Variants in KANK1 observed in about 807,000 individuals in gnomAD.
KANK1 encodes KN motif and ankyrin repeat domains 1, also known as KN motif and ankyrin repeat domain-containing protein 1.
A neutral mutation model predicts 106.2 loss-of-function variants in KANK1; 109 were observed. The observed-to-expected ratio is 1.03, with a 90% confidence interval of 0.88 to 1.20. The LOEUF is 1.20. Ranked by LOEUF, KANK1 falls within the 50% of genes most tolerant of loss-of-function variation. The pLI is 0.00. For missense variants in KANK1, 2,399 were observed against 1,710.7 expected, an observed-to-expected ratio of 1.40 and a Z score of -7.10; for synonymous variants, 873 against 652.2, an observed-to-expected ratio of 1.34 and a Z score of -5.16.
intron 3 of KANK1, chr9:492,332 G>A (rs2058391312): frequency 6.6e-6 from 1 of 152,248 alleles, no homozygotes; most frequent in Admixed American, 6.5e-5. Flanking sequence ...TCACAAAACT[G>A]ACTAGAGAGA....
intron 1 of KANK1, among the ~76,000 whole-genome samples, chr9:645,935 TA>T (rs1194776222): frequency 6.6e-6 from 1 of 150,960 alleles, no homozygotes; most frequent in Non-Finnish European, 1.5e-5. Flanking sequence ...GCCACAAAAT[TA>T]AAAGATTTAT....
chr9:534,655 C>T (rs2060214803), intron 1 of KANK1, among the ~76,000 whole-genome samples: 1 of 152,168 alleles, frequency 6.6e-6, no homozygotes, highest in Non-Finnish European at 1.5e-5. Context: ...GATTGTTCAT[C>T]CTGGGGAATG....
chr9:691,244 T>G (rs927108221), intron 2 of KANK1, among the ~76,000 whole-genome samples: 1 of 152,126 alleles, frequency 6.6e-6, no homozygotes, highest in Non-Finnish European at 1.5e-5. Flanking sequence ...TGATTGACTT[T>G]GACTGCTTTA....
At chr9:671,224 A>AG (rs1246618314) in intron 1 of KANK1, among the ~76,000 whole-genome samples, 1 of 88,812 alleles carries the variant, frequency 1.1e-5, no homozygotes, top group African/African-American at 3.5e-5. Flanking sequence ...TACCTGGTGG[A>AG]GTTTTTTTTT....
chr9:718,014 T>C (rs17433274), intron 3 of KANK1, among the ~76,000 whole-genome samples: 23,192 of 152,236 alleles, frequency 0.15, 2,117 homozygotes, highest in Non-Finnish European at 0.2. Context: ...GTCATTCCCA[T>C]AACTATGAAA....
chr9:518,546 G>A (rs1256487242), intron 1 of KANK1, among the ~76,000 whole-genome samples: 1 of 151,742 alleles, frequency 6.6e-6, no homozygotes. Flanking sequence ...CCTGCGAGGT[G>A]TATGTTTTCT....
At chr9:479,880 C>A (rs1024362658) in intron 3 of KANK1, among the ~76,000 whole-genome samples, 1 of 152,138 alleles carries the variant, frequency 6.6e-6, no homozygotes, top group Non-Finnish European at 1.5e-5. Flanking sequence ...CTGAGCCCCC[C>A]CAGTAAGTAT....
intron 8 of KANK1, among the ~76,000 whole-genome samples, chr9:739,630 C>T (rs1319797389): frequency 6.6e-6 from 1 of 152,186 alleles, no homozygotes; most frequent in Non-Finnish European, 1.5e-5. Flanking sequence ...AGATAATATC[C>T]AGGGAAGCTG....
chr9:509,543 C>T (rs1443603573), intron 1 of KANK1, among the ~76,000 whole-genome samples: 1 of 152,216 alleles, frequency 6.6e-6, no homozygotes, highest in Non-Finnish European at 1.5e-5. Flanking sequence ...AATATTGCTT[C>T]AGTCTCTGAC....
At chr9:642,202 C>A (rs1362715423) in intron 1 of KANK1, among the ~76,000 whole-genome samples, 1 of 143,306 alleles carries the variant, frequency 7.0e-6, no homozygotes, top group African/African-American at 3.0e-5. Context: ...CCTCATTGTG[C>A]TTCCTGACTT....
chr9:578,506 A>G (rs1019856527), intron 1 of KANK1, among the ~76,000 whole-genome samples: 2 of 151,986 alleles, frequency 1.3e-5, no homozygotes, highest in East Asian at 1.9e-4. Context: ...GCAGTCCTCT[A>G]TACAAAAATC....
At chr9:664,223 T>C (rs1588696618) in intron 1 of KANK1, among the ~76,000 whole-genome samples, 1 of 152,080 alleles carries the variant, frequency 6.6e-6, no homozygotes, top group Non-Finnish European at 1.5e-5. Flanking sequence ...TCATTCCCCA[T>C]CCCCACTACC....
Position 543,050 on chromosome 9 carries a change from C to T in KANK1, c.-84+38296C>T, listed in dbSNP as rs138436656. On this transcript the variant is annotated intron_variant, in intron 1 of 11. Transcript: ENST00000382297. ...CAAATGTTCTCACCACAAATAAGTGCGAGGTGGGTATGTTAATTAGCTAGA... is the reference window on the plus strand; with the variant it reads ...CAAATGTTCTCACCACAAATAAGTGTGAGGTGGGTATGTTAATTAGCTAGA... 1.1e-4 allele frequency among the ~76,000 whole-genome samples: 16 copies of T among 152,214 alleles called. No homozygotes were observed. The East Asian group carries it at 2.3e-3, about 22-fold the overall frequency.
At chr9:721,795 CT>C in intron 3 of KANK1, among the ~76,000 whole-genome samples, 1 of 152,334 alleles carries the variant, frequency 6.6e-6, no homozygotes, top group South Asian at 2.1e-4. Context: ...CACTTATGTG[CT>C]GTACTAAAAC....
In KANK1 at chr9:646,575, C is replaced by T. The variant is rs767923176; in HGVS notation, c.-83-30315C>T. Among the ~76,000 whole-genome samples the T allele has an allele frequency of 3.3e-5, 5 of 150,518 alleles. 1 individual carries two copies. The highest frequency in any genetic ancestry group is 1.3e-4 in the African/African-American group (5 of 39,966). On this transcript the variant is annotated intron_variant, in intron 1 of 11. Transcript: ENST00000382297. ...TAATATGTTGAACATGATTAATCAT[C>T]TCTCAGTTAGGTTCATTATTTTCAA...
chr9:738,141 T>G (rs1213681754), intron 7 of KANK1, 144 bp from the exon 8 acceptor site: 2 of 647,660 alleles, frequency 3.1e-6, no homozygotes, highest in Non-Finnish European at 5.3e-6. Context: ...GTTTGAAGCT[T>G]CTCTTAGGGC....
intron 1 of KANK1, among the ~76,000 whole-genome samples, chr9:569,863 A>T (rs1587899810): frequency 6.6e-6 from 1 of 151,346 alleles, no homozygotes; most frequent in East Asian, 1.9e-4. Context: ...TAGTTCACTT[A>T]TGTTAATTAT....
At chr9:595,703 G>A (rs1480709745) in intron 1 of KANK1, among the ~76,000 whole-genome samples, 1 of 151,552 alleles carries the variant, frequency 6.6e-6, no homozygotes, top group African/African-American at 2.4e-5. Context: ...TTTATTTTTT[G>A]TAGAGGTGAA....
intron 3 of KANK1, among the ~76,000 whole-genome samples, chr9:492,974 A>G (rs1016553792): frequency 3.3e-5 from 5 of 150,786 alleles, no homozygotes; most frequent in African/African-American, 1.2e-4. Context: ...CGGTGAGCTG[A>G]GATCGTGCCA....
Sources: allele counts gnomAD v4.1 joint callset (sites outside exome capture counted in the v4.1 genomes callset), GRCh38; gene constraint gnomAD v4.1.1; transcripts MANE v1.5; gene names NCBI Gene and HGNC (gene_info 2026-07-23, HGNC 2026-07-21).